LEUTX: variants seen among roughly 807,000 people sequenced by gnomAD.
LEUTX encodes the protein leucine twenty homeobox, also known as paired-like homeodomain transcription factor LEUTX.
LEUTX carries 5 observed loss-of-function variants against 4.5 expected under a neutral mutation model. The ratio of observed to expected loss-of-function variants is 1.11; its 90% confidence interval spans 0.58 to 2.34. The LOEUF (loss-of-function observed/expected upper bound fraction) is 2.34. LEUTX is among the 30% of genes most tolerant of loss of function. The probability of loss-of-function intolerance (pLI) is 0.01; values close to 1 mark genes in which losing one functional copy is unlikely to be tolerated. For missense variants in LEUTX, 233 were observed against 239.4 expected, an observed-to-expected ratio of 0.97 and a Z score of 0.18; for synonymous variants, 89 against 85.1, an observed-to-expected ratio of 1.05 and a Z score of -0.25.
At chr19:39,776,759 T>G, upstream of LEUTX, 1 of 436,980 alleles carries the variant, frequency 2.3e-6, no homozygotes, top group Non-Finnish European at 4.6e-6. Flanking sequence ...CTCATTCCTG[T>G]AGTCCCAGCT....
In LEUTX at chr19:39,780,846, T is replaced by C. The variant is rs181330038; in HGVS notation, c.7+1919T>C. 7.5e-3 allele frequency among the ~76,000 whole-genome samples: 1,093 copies of C among 146,660 alleles called. 16 individuals are homozygous for C. The highest frequency in any genetic ancestry group is 0.026 in the African/African-American group (956 of 36,796). The stretch of plus-strand genomic sequence containing the variant: ...TAATTTTAACATTTATAGATTTTCT[T>C]TTTTTTTGTAATTTTTTTCTAATTG... On this transcript the variant is annotated intron_variant, in intron 1 of 2. Coordinates refer to ENST00000638280, the MANE Select transcript of LEUTX (RefSeq NM_001382345.1).
chr19:39,779,927 T>C (rs1967859762), intron 1 of LEUTX, among the ~76,000 whole-genome samples: 1 of 152,192 alleles, frequency 6.6e-6, no homozygotes, highest in Non-Finnish European at 1.5e-5. Context: ...GACACAAGAA[T>C]TGCTTGAACC....
At chr19:39,778,663 CTTTTTTTTT>C (rs34540141), upstream of LEUTX, among the ~76,000 whole-genome samples, 14 of 119,636 alleles carry the variant, frequency 1.2e-4, no homozygotes, top group Admixed American at 9.4e-4. Context: ...AAGGATCAGT[CTTTTTTTTT>C]TTTTTTTTTT....
intron 1 of LEUTX, among the ~76,000 whole-genome samples, chr19:39,779,476 TTTTATA>T (rs1299299879): frequency 6.6e-6 from 1 of 152,226 alleles, no homozygotes; most frequent in East Asian, 1.9e-4. Flanking sequence ...CTATGCTAAT[TTTTATA>T]TTTATATCAT....
chr19:39,784,758 C>A, intron 2 of LEUTX, 80 bp downstream of exon 2: 2 of 1,085,824 alleles, frequency 1.8e-6, no homozygotes, highest in Non-Finnish European at 2.7e-6. Flanking sequence ...TATAACAGTT[C>A]CTATTTATTG....
At chr19:39,776,656 T>A, upstream of LEUTX, 1 of 456,138 alleles carries the variant, frequency 2.2e-6, no homozygotes, top group Non-Finnish European at 4.4e-6. Flanking sequence ...GCACCTGGAA[T>A]CTCAAGCAAC....
Position 39,785,909 on chromosome 19 carries a change from C to G in LEUTX, c.371C>G (p.Pro124Arg). 1 of 1,551,786 alleles carries G rather than the reference C, an allele frequency of 6.4e-7. No homozygotes were observed. The highest frequency in any genetic ancestry group is 2.4e-5 in the East Asian group (1 of 40,930). ...CGTGAGCCTTCTGGTATCAAGAATCCTGGAGGAGCCAGCGCCTCTGCGAGG... is the reference window on the plus strand; with the variant it reads ...CGTGAGCCTTCTGGTATCAAGAATCGTGGAGGAGCCAGCGCCTCTGCGAGG... ...DLREPSGIKN[P>R]GGASASARVS... The change falls in exon 3 of 3, where the codon CCT becomes CGT. Residue 124 changes from proline (P) to arginine (R), a missense_variant. Pro to Arg is a moderately radical substitution (Grantham distance 103). Coordinates refer to ENST00000638280, the MANE Select transcript of LEUTX (RefSeq NM_001382345.1).
chr19:39,776,497 G>A (rs138279296), upstream of LEUTX: 3 of 422,702 alleles, frequency 7.1e-6, no homozygotes, highest in South Asian at 3.3e-5. Context: ...GGCCTGGGGC[G>A]TATGAGAGAA....
At chr19:39,785,283 T>G (rs1967949225) in intron 2 of LEUTX, among the ~76,000 whole-genome samples, 1 of 151,754 alleles carries the variant, frequency 6.6e-6, no homozygotes, top group Admixed American at 6.6e-5. Flanking sequence ...AAACAAAAAT[T>G]AAAAATTAAC....
upstream of LEUTX, among the ~76,000 whole-genome samples, chr19:39,776,919 G>A (rs983652041): frequency 1.3e-5 from 2 of 152,160 alleles, no homozygotes; most frequent in Non-Finnish European, 2.9e-5. Flanking sequence ...AGTGTTCTGT[G>A]TCTCCCAAGG....
At chr19:39,780,507 A>AT (rs575822143) in intron 1 of LEUTX, among the ~76,000 whole-genome samples, 1 of 152,018 alleles carries the variant, frequency 6.6e-6, no homozygotes, top group Non-Finnish European at 1.5e-5. Flanking sequence ...CAAATCTTGA[A>AT]TTTTTTTTAA....
chr19:39,776,613 C>T (rs1328650821), upstream of LEUTX: 5 of 456,222 alleles, frequency 1.1e-5, no homozygotes, highest in Admixed American at 1.2e-4. Flanking sequence ...GGTTTTCAGC[C>T]TCATGCCTCC....
chr19:39,784,142 T>G (rs1967928626), intron 1 of LEUTX, among the ~76,000 whole-genome samples: 1 of 152,202 alleles, frequency 6.6e-6, no homozygotes, highest in Non-Finnish European at 1.5e-5. Context: ...TCTATTTCAC[T>G]GAAGATTTCT....
intron 2 of LEUTX, among the ~76,000 whole-genome samples, chr19:39,785,450 T>A (rs956547231): frequency 2.1e-5 from 3 of 144,640 alleles, no homozygotes; most frequent in African/African-American, 7.5e-5. Flanking sequence ...AAAAAAAAAA[T>A]ACACCACTAA....
At chr19:39,781,341 T>C (rs1301790028) in intron 1 of LEUTX, among the ~76,000 whole-genome samples, 1 of 152,196 alleles carries the variant, frequency 6.6e-6, no homozygotes, top group Non-Finnish European at 1.5e-5. Flanking sequence ...TCCTATAAAA[T>C]AGATGACCAT....
At chr19:39,776,473 A>C (rs1213256770), upstream of LEUTX, 19 of 378,258 alleles carry the variant, frequency 5.0e-5, no homozygotes, top group Non-Finnish European at 9.9e-5. Context: ...CGCACCACAC[A>C]GAAGTTCTGA....
At chr19:39,779,276 C>T (rs1967849264) in intron 1 of LEUTX, among the ~76,000 whole-genome samples, 1 of 152,118 alleles carries the variant, frequency 6.6e-6, no homozygotes, top group Admixed American at 6.5e-5. Flanking sequence ...TTTGTAGAGA[C>T]AGGATCTCAC....
At chr19:39,781,631 T>C (rs965460011) in intron 1 of LEUTX, among the ~76,000 whole-genome samples, 1 of 152,136 alleles carries the variant, frequency 6.6e-6, no homozygotes, top group Non-Finnish European at 1.5e-5. Context: ...CTTCCCCTGC[T>C]GTCTCTTGCT....
chr19:39,784,967 A>T (rs1967943080), intron 2 of LEUTX, among the ~76,000 whole-genome samples: 1 of 152,146 alleles, frequency 6.6e-6, no homozygotes, highest in African/African-American at 2.4e-5. Flanking sequence ...GCTGGATCTC[A>T]GATACTCCCA....
Sources: gnomAD v4.1 joint callset for allele counts (sites outside exome capture counted in the v4.1 genomes callset) on GRCh38, gnomAD v4.1.1 for gene constraint, MANE v1.5 for transcripts, NCBI Gene and HGNC (gene_info 2026-07-23, HGNC 2026-07-21) for gene names.